Variants in ERGIC2 observed in about 807,000 individuals in gnomAD.
ERGIC2 encodes the protein ERGIC and golgi 2.
In ERGIC2, 31 loss-of-function variants were observed where a neutral mutation model predicts 52.5. The ratio of observed to expected loss-of-function variants is 0.59; its 90% CI spans 0.44 to 0.80. The LOEUF (loss-of-function observed/expected upper bound fraction) is 0.80. Ranked by LOEUF, ERGIC2 falls within the 30% of genes least tolerant of loss-of-function variation. ERGIC2 has a pLI of 0.00. For missense variants in ERGIC2, 395 were observed against 455.2 expected (o/e 0.87, Z 1.20); for synonymous variants, 129 against 140.6 (o/e 0.92, Z 0.58).
rs1378174655 is a variant in ERGIC2, at chr12:29,343,444, C to G, written c.826-162G>C. On this transcript the variant is annotated intron_variant, in intron 11 of 13. Transcript: ENST00000360150. ...AACTGTCCTACTAGACTAAGCTCTT[C>G]AGAGACAAATTATTTTGTATTCTTT... 3.3e-5 allele frequency among the ~76,000 whole-genome samples: 5 copies of G among 152,188 alleles called. No homozygotes were observed. The East Asian group carries it at 9.6e-4, about 29-fold the overall frequency.
chr12:29,366,032 T>C (rs552863239), intron 5 of ERGIC2, among the ~76,000 whole-genome samples: 3 of 152,010 alleles, frequency 2.0e-5, no homozygotes, highest in Admixed American at 6.6e-5. Context: ...TTTTCTTTCC[T>C]TTAACCCCAT....
At chr12:29,366,769 A>C in intron 5 of ERGIC2, 108 bp downstream of exon 5, 2 of 561,088 alleles carry the variant, frequency 3.6e-6, no homozygotes, top group Non-Finnish European at 6.0e-6. Flanking sequence ...TTGAAATAAA[A>C]GAATTATACT....
chr12:29,356,931 A>G (rs527265204), intron 7 of ERGIC2, among the ~76,000 whole-genome samples: 1 of 152,056 alleles, frequency 6.6e-6, no homozygotes, highest in Non-Finnish European at 1.5e-5. Flanking sequence ...TATTTTTATT[A>G]TGTTTATGAT....
At chr12:29,376,969 A>T (rs1387510210) in intron 1 of ERGIC2, among the ~76,000 whole-genome samples, 1 of 152,190 alleles carries the variant, frequency 6.6e-6, no homozygotes, top group Non-Finnish European at 1.5e-5. Flanking sequence ...AAAAACAGAT[A>T]TAACAGAGGT....
intron 2 of ERGIC2, among the ~76,000 whole-genome samples, chr12:29,371,235 A>G (rs1470400765): frequency 6.6e-6 from 1 of 152,216 alleles, no homozygotes; most frequent in Non-Finnish European, 1.5e-5. Context: ...ATAGATTTGA[A>G]TAACTTCCTC....
chr12:29,361,373 T>A (rs371225805), intron 6 of ERGIC2, among the ~76,000 whole-genome samples: 2 of 152,256 alleles, frequency 1.3e-5, no homozygotes, highest in East Asian at 1.9e-4. Context: ...AATGATCATA[T>A]ATTACTTTTG....
In ERGIC2 at chr12:29,341,102, A is replaced by T; in HGVS notation, c.*54T>A. On this transcript the variant is annotated 3_prime_UTR_variant, in exon 14 of 14. Transcript: ENST00000360150. ...ATATATTGCACAATATTTTATTATT[A>T]AAAAAAGGTTTTATGTCTCAGGCAA... 1 of 1,163,650 alleles carries T rather than the reference A, an allele frequency of 8.6e-7. No individual in the cohort carries two copies. Among genetic ancestry groups the T allele is most frequent in the South Asian group, 1.4e-5 (1 of 73,558 alleles). 72.1% of individuals were successfully genotyped at this position (1,163,650 alleles called of 1,614,324 possible).
At position 29,367,490 on chromosome 12, in the gene ERGIC2, A is replaced by C. The variant is rs183124146; in HGVS notation, c.263-543T>G. On this transcript the variant is annotated intron_variant, in intron 4 of 13. Coordinates refer to ENST00000360150, the MANE Select transcript of ERGIC2 (RefSeq NM_016570.3). ...CCACTAACTACAAGTTTAAAAATAA[A>C]GTATTTTTTTATCTCTTAAAACCAC... 2.6e-5 allele frequency among the ~76,000 whole-genome samples: 4 copies of C among 151,984 alleles called. No homozygotes were observed. The East Asian group carries it at 7.7e-4, about 29-fold the overall frequency.
At chr12:29,343,312 A>G in intron 11 of ERGIC2, 30 bp from the exon 12 acceptor site, 1 of 1,547,528 alleles carries the variant, frequency 6.5e-7, no homozygotes, top group Non-Finnish European at 8.8e-7. Context: ...AAGGGGAGAA[A>G]TAGGAGGAAG....
At chr12:29,348,581 G>T (rs1940089145) in intron 10 of ERGIC2, among the ~76,000 whole-genome samples, 1 of 151,938 alleles carries the variant, frequency 6.6e-6, no homozygotes, top group Non-Finnish European at 1.5e-5. Flanking sequence ...GTGCTATAAT[G>T]TACTCCTTCT....
intron 6 of ERGIC2, among the ~76,000 whole-genome samples, chr12:29,358,843 A>G (rs1051167866): frequency 6.6e-6 from 1 of 152,118 alleles, no homozygotes; most frequent in Non-Finnish European, 1.5e-5. Flanking sequence ...TGCATCATCT[A>G]TCTAGAAAAT....
rs1276907262 is a variant in ERGIC2 at position 29,345,365 on chromosome 12, T to C, written c.825+78A>G. The C allele has an allele frequency of 7.5e-6, 6 of 796,550 alleles. No individual in the cohort carries two copies. In the Admixed American group the frequency reaches 1.3e-4, roughly 17 times the overall value. 49.3% of individuals were successfully genotyped at this position (796,550 alleles called of 1,614,324 possible). A position where few individuals can be genotyped will look rare whatever the true frequency, so the allele number is the denominator to read the frequency against. ...GGAAGACACCAAGTAAAACACCACC[T>C]TATTTTGTAGCCAGGAAACTTTAAA... is the stretch of plus-strand genomic sequence containing the variant. On this transcript the variant is annotated intron_variant, in intron 11 of 13. Transcript: ENST00000360150.
At position 29,337,827 on chromosome 12, in the gene ERGIC2, T is replaced by G. The variant is rs1591983418; in HGVS notation, c.*3329A>C. On this transcript the variant is annotated 3_prime_UTR_variant, in exon 14 of 14. Coordinates refer to ENST00000360150, the MANE Select transcript of ERGIC2 (RefSeq NM_016570.3). ...TTAAATTACTTTTTGGTACTTGAAT[T>G]ACTAACTCAGGACATAGATGGAATG... 6.6e-6 allele frequency: 1 copy of G among 152,176 alleles called. No homozygotes were observed. The highest frequency in any genetic ancestry group is 1.5e-5 in the Non-Finnish European group (1 of 68,024). The allele number at this position is 152,176 out of a possible 1,614,324, so 9.4% of individuals were successfully genotyped here.
At chr12:29,356,544 G>T in intron 7 of ERGIC2, 67 bp from the exon 8 acceptor site, 2 of 802,006 alleles carry the variant, frequency 2.5e-6, no homozygotes, top group Non-Finnish European at 4.0e-6. Flanking sequence ...TGAGAAAAAT[G>T]TGTATAGAAA....
rs979479337 is a variant in ERGIC2, at chr12:29,340,784, T to A, written c.*372A>T. Reference sequence around the variant, plus strand: ...AAAAGGATGCGAACATTTGCACTTCTCAATGTTTTTTTTTTTCCCATAGAT... The same window carrying A: ...AAAAGGATGCGAACATTTGCACTTCACAATGTTTTTTTTTTTCCCATAGAT... On this transcript the variant is annotated 3_prime_UTR_variant, in exon 14 of 14. Transcript: ENST00000360150. 2.4e-6 allele frequency: 1 copy of A among 423,288 alleles called. No individual in the cohort carries two copies. Among genetic ancestry groups the A allele is most frequent in the African/African-American group, 2.1e-5 (1 of 47,484 alleles). 26.2% of individuals were successfully genotyped at this position (423,288 alleles called of 1,614,324 possible).
In ERGIC2 at chr12:29,357,708, G is replaced by T; in HGVS notation, c.391C>A (p.Gln131Lys). The T allele has an allele frequency of 6.2e-7, 1 of 1,602,660 alleles. No individual in the cohort carries two copies. Among genetic ancestry groups the T allele is most frequent in the Non-Finnish European group, 8.5e-7 (1 of 1,170,182 alleles). ...GAATGCTCTTCTTGTAGCCTACTCT[G>T]AATCAGCTGCAGCATCCTAAATAAG... ...KEWQRMLQLI[Q>K]SRLQEEHSLQ... The change falls in exon 7 of 14, where the codon CAG becomes AAG. Residue 131 changes from glutamine (Q) to lysine (K), a missense_variant. Physicochemically the swap from Gln to Lys is moderately conservative, Grantham distance 53 (BLOSUM62 1). Transcript: ENST00000360150.
chr12:29,347,606 G>GTACCTTGTTTATCCAAA (rs1940072692), intron 10 of ERGIC2, among the ~76,000 whole-genome samples: 7 of 152,060 alleles, frequency 4.6e-5, no homozygotes, highest in Non-Finnish European at 7.4e-5. Context: ...CAGGGACTAT[G>GTACCTTGTTTATCCAAA]TCTACCTTGT....
chr12:29,345,163 A>C (rs1444650883), intron 11 of ERGIC2, among the ~76,000 whole-genome samples: 9 of 152,246 alleles, frequency 5.9e-5, no homozygotes, highest in Non-Finnish European at 1.2e-4. Flanking sequence ...TAAGAATAAA[A>C]TAATTAAGGC....
intron 1 of ERGIC2, among the ~76,000 whole-genome samples, chr12:29,373,301 TTA>T (rs1261869186): frequency 6.6e-6 from 1 of 152,160 alleles, no homozygotes; most frequent in East Asian, 1.9e-4. Flanking sequence ...TACATAATTT[TTA>T]TGACTGATTT....
Sources: gnomAD v4.1 joint callset for allele counts (sites outside exome capture counted in the v4.1 genomes callset) on GRCh38, gnomAD v4.1.1 for gene constraint, MANE v1.5 for transcripts, NCBI Gene and HGNC (gene_info 2026-07-23, HGNC 2026-07-21) for gene names.